ACAN: variants seen among roughly 807,000 people sequenced by gnomAD.
ACAN encodes the protein aggrecan.
In ACAN, 47 loss-of-function variants were observed where a neutral mutation model predicts 169.1. The ratio of observed to expected loss-of-function variants is 0.28; its 90% CI spans 0.22 to 0.35. ACAN has a LOEUF of 0.35. ACAN is among the 10% of genes least tolerant of loss of function. ACAN has a pLI of 1.00. For missense variants in ACAN, 2,716 were observed against 2,759.9 expected (o/e 0.98, Z 0.36); for synonymous variants, 1,115 against 1,112.2 (o/e 1.00, Z -0.05).
rs187179233 is a variant in ACAN, at chr15:88,838,560, C to T, written c.71-103C>T. ...AGAGACAGACACACTCATCGGATTT[C>T]GCTCTCTCAGGAGAGTGCATTGCTG... On this transcript the variant is annotated intron_variant, in intron 2 of 18. Transcript: ENST00000560601. The surrounding 1 kb of genome is among the most constrained non-coding windows in gnomAD (Gnocchi z 5.1). 2,542 of 1,333,894 alleles carry T rather than the reference C, an allele frequency of 1.9e-3. 97 individuals are homozygous for T. The Admixed American group carries it at 0.054, about 28-fold the overall frequency. The allele number at this position is 1,333,894 out of a possible 1,614,324, so 82.6% of individuals were successfully genotyped here. A position where few individuals can be genotyped will look rare whatever the true frequency, so the allele number is the denominator to read the frequency against.
At chr15:88,848,130 AC>A in intron 9 of ACAN, 92 bp downstream of exon 9, 3 of 1,509,376 alleles carry the variant, frequency 2.0e-6, no homozygotes, top group Non-Finnish European at 1.8e-6. Flanking sequence ...GGGGGTTACC[AC>A]CCACCCACCC....
At position 88,843,221 on chromosome 15, in the gene ACAN, C is replaced by A. The variant is rs1896708464; in HGVS notation, c.758-134C>A. 5.6e-6 allele frequency: 4 copies of A among 713,670 alleles called. No homozygotes were observed. Among genetic ancestry groups the A allele is most frequent in the African/African-American group, 1.8e-5 (1 of 55,498 alleles). The allele number at this position is 713,670 out of a possible 1,614,324, so 44.2% of individuals were successfully genotyped here. On this transcript the variant is annotated intron_variant, in intron 5 of 18. Coordinates refer to ENST00000560601, the MANE Select transcript of ACAN (RefSeq NM_001369268.1). This position sits in a 1 kb window ranked among gnomAD's most constrained non-coding sequence, Gnocchi z 4.0. ...GCAATGAAGGGCAAGATCTGAGATG[C>A]AGACATATGGGACCAGGACTTTGGG...
chr15:88,813,522 A>G (rs542827150), intron 1 of ACAN, among the ~76,000 whole-genome samples: 5 of 152,288 alleles, frequency 3.3e-5, no homozygotes, highest in Admixed American at 1.3e-4. Flanking sequence ...GCCAACCCCA[A>G]ATCTCCCCAG....
intron 1 of ACAN, among the ~76,000 whole-genome samples, chr15:88,828,421 CT>C (rs893817585): frequency 2.6e-4 from 39 of 151,044 alleles, no homozygotes; most frequent in Admixed American, 4.6e-4. Flanking sequence ...CTACCCGAGC[CT>C]TTTTTTTTGC....
In ACAN at chr15:88,833,024, G is replaced by A. The variant is rs954272079; in HGVS notation, c.-7-3176G>A. 3.9e-5 allele frequency among the ~76,000 whole-genome samples: 6 copies of A among 152,188 alleles called. No individual in the cohort carries two copies. In the East Asian group the frequency reaches 9.6e-4, roughly 24 times the overall value. On this transcript the variant is annotated intron_variant, in intron 1 of 18. Transcript: ENST00000560601. ...TATTAAGCAGTAGGCGTCCACCCACGTCGAGGAGGGGTCTCCACTGCACAT... is the reference window on the plus strand; with the variant it reads ...TATTAAGCAGTAGGCGTCCACCCACATCGAGGAGGGGTCTCCACTGCACAT...
In ACAN at chr15:88,842,493, C is replaced by T. The variant is rs58239729; in HGVS notation, c.757+626C>T. ...ACTTTCCAGACTCTGCAATGTCTAT[C>T]TCCTCCCTCCCTGCCCATCCCCCCT... On this transcript the variant is annotated intron_variant, in intron 5 of 18. Transcript: ENST00000560601. Among the ~76,000 whole-genome samples, 261 of 140,282 alleles carry T rather than the reference C, an allele frequency of 1.9e-3. 1 individual carries two copies. Among genetic ancestry groups the T allele is most frequent in the African/African-American group, 6.6e-3 (248 of 37,486 alleles). The allele number at this position is 140,282 out of a possible 152,430, so 92.0% of individuals were successfully genotyped here. A position where few individuals can be genotyped will look rare whatever the true frequency, so the allele number is the denominator to read the frequency against.
Position 88,855,179 on chromosome 15 carries a change from A to ATGT in ACAN, c.2595_2597dup (p.Val866dup), listed in dbSNP as rs769765598. ...TCTGGGGAGGAATCTGGGGCCCCTG[A>ATGT]TGTCAGTGGTGACTTCACAGGCAGT... On this transcript the variant is annotated inframe_insertion, in exon 12 of 19. Transcript: ENST00000560601. The ATGT allele has an allele frequency of 6.2e-6, 10 of 1,607,814 alleles. No homozygotes were observed. The African/African-American group carries it at 1.1e-4, about 17-fold the overall frequency.
At chr15:88,841,109 C>T (rs1596132970) in intron 4 of ACAN, among the ~76,000 whole-genome samples, 1 of 152,354 alleles carries the variant, frequency 6.6e-6, no homozygotes, top group South Asian at 2.1e-4. Context: ...CGCGCCACTG[C>T]ACTCCAGCCT....
At position 88,851,884 on chromosome 15, in the gene ACAN, T is replaced by C; in HGVS notation, c.2117T>C (p.Val706Ala). ...GAGGAGTGGATCGTGACCCAAGTGG[T>C]TCCTGGTGTGGCTGCTGTCCCCGTA... is the stretch of plus-strand genomic sequence containing the variant. ...GVEEWIVTQV[V>A]PGVAAVPVEE... The change falls in exon 11 of 19, where the codon GTT becomes GCT. Residue 706 changes from valine (V) to alanine (A), a missense_variant. By Grantham distance (64) the Val-to-Ala change is moderately conservative. This residue lies in a region of ACAN where 1,283 missense variants were observed against 1,281.5 expected (regional missense o/e 1.00). Coordinates refer to ENST00000560601, the MANE Select transcript of ACAN (RefSeq NM_001369268.1). This position sits in a 1 kb window ranked among gnomAD's most constrained non-coding sequence, Gnocchi z 4.3. 1 of 1,612,594 alleles carries C rather than the reference T, an allele frequency of 6.2e-7. No homozygotes were observed. The highest frequency in any genetic ancestry group is 8.5e-7 in the Non-Finnish European group (1 of 1,179,388).
At position 88,815,613 on chromosome 15, in the gene ACAN, AC is replaced by A. The variant is rs796893385; in HGVS notation, c.-8+11806del. ...AGAGAAAGGTCTTAAAAAAAAAAAA[AC>A]CATCAAGAACAATTTCAAGACATGA... On this transcript the variant is annotated intron_variant, in intron 1 of 18. Transcript: ENST00000560601. Among the ~76,000 whole-genome samples the A allele has an allele frequency of 4.8e-3, 692 of 142,906 alleles. 6 individuals are homozygous for A. The highest frequency in any genetic ancestry group is 0.01 in the African/African-American group (391 of 37,364). The allele number at this position is 142,906 out of a possible 152,430, so 93.8% of individuals were successfully genotyped here.
intron 1 of ACAN, among the ~76,000 whole-genome samples, chr15:88,828,934 A>C (rs973618410): frequency 8.5e-5 from 13 of 152,204 alleles, no homozygotes; most frequent in African/African-American, 2.7e-4. Flanking sequence ...AGCAACTCCA[A>C]GGAAAAACCT....
intron 6 of ACAN, among the ~76,000 whole-genome samples, chr15:88,844,676 A>G (rs905569589): frequency 2.6e-5 from 4 of 152,186 alleles, no homozygotes; most frequent in African/African-American, 9.7e-5. Context: ...CCCGGCCACA[A>G]AATGTTATTG....
Position 88,854,994 on chromosome 15 carries a change from G to A in ACAN, c.2409G>A (p.Glu803=). Residue 803 remains glutamate, a synonymous_variant, in exon 12 of 19, where the codon GAG becomes GAA. Coordinates refer to ENST00000560601, the MANE Select transcript of ACAN (RefSeq NM_001369268.1). ...CCTCAGAGGAGCCATCCCCCTCAGAGGAACCATTCCCCTCAGTGAGGCCAT... is the reference window on the plus strand; with the variant it reads ...CCTCAGAGGAGCCATCCCCCTCAGAAGAACCATTCCCCTCAGTGAGGCCAT... ...PFPSEEPSPS[E]EPFPSVRPFP... is the part of the protein sequence containing the mutation. 3 of 1,596,488 alleles carry A rather than the reference G, an allele frequency of 1.9e-6. No homozygotes were observed. The highest frequency in any genetic ancestry group is 2.6e-6 in the Non-Finnish European group (3 of 1,172,392).
chr15:88,833,934 C>A (rs1896434389), intron 1 of ACAN, among the ~76,000 whole-genome samples: 1 of 152,154 alleles, frequency 6.6e-6, no homozygotes, highest in Non-Finnish European at 1.5e-5. Context: ...AACAGGCGGG[C>A]CTTGTGTCTG....
In ACAN at chr15:88,840,940, C is replaced by G. The variant is rs189034353; in HGVS notation, c.629+754C>G. Among the ~76,000 whole-genome samples the G allele has an allele frequency of 1.1e-3, 174 of 152,204 alleles. 1 individual carries two copies. The highest frequency in any genetic ancestry group is 3.4e-3 in the Middle Eastern group (1 of 294). On this transcript the variant is annotated intron_variant, in intron 4 of 18. Transcript: ENST00000560601. The stretch of plus-strand genomic sequence containing the variant: ...CGGGCAGATCACGAAGTCAGGAGAT[C>G]GAGACCATCCTAGCTAACATGGTGA...
intron 4 of ACAN, among the ~76,000 whole-genome samples, chr15:88,841,304 T>C (rs1008904631): frequency 1.3e-5 from 2 of 152,188 alleles, no homozygotes; most frequent in Non-Finnish European, 2.9e-5. Context: ...TCAAATGATA[T>C]AGAGTGAGGC....
At chr15:88,828,839 G>A (rs1023676444) in intron 1 of ACAN, among the ~76,000 whole-genome samples, 5 of 152,206 alleles carry the variant, frequency 3.3e-5, no homozygotes, top group Non-Finnish European at 5.9e-5. Flanking sequence ...AGCCATTTTA[G>A]TCAGGGCCAA....
At position 88,861,976 on chromosome 15, in the gene ACAN, A is replaced by C. The variant is rs1897203299; in HGVS notation, c.6946+1537A>C. 6.6e-6 allele frequency among the ~76,000 whole-genome samples: 1 copy of C among 152,206 alleles called. No homozygotes were observed. Among genetic ancestry groups the C allele is most frequent in the South Asian group, 2.1e-4 (1 of 4,824 alleles). On this transcript the variant is annotated intron_variant, in intron 13 of 18. Transcript: ENST00000560601. The surrounding 1 kb of genome is among the most constrained non-coding windows in gnomAD (Gnocchi z 6.3). ...TGTAAGCAGCTTGGTAACTACCCCCATTTGAGACTGGAACTCAGAGGAGTT... is the reference window on the plus strand; with the variant it reads ...TGTAAGCAGCTTGGTAACTACCCCCCTTTGAGACTGGAACTCAGAGGAGTT...
intron 12 of ACAN, among the ~76,000 whole-genome samples, chr15:88,859,775 G>C (rs887469912): frequency 6.6e-6 from 1 of 152,262 alleles, no homozygotes; most frequent in East Asian, 1.9e-4. Context: ...GGCACAGGGA[G>C]AGAAGGATGA....
Sources: allele counts gnomAD v4.1 joint callset (sites outside exome capture counted in the v4.1 genomes callset), GRCh38; gene constraint gnomAD v4.1.1; regional missense constraint gnomAD v4.1.1; non-coding constraint Gnocchi (gnomAD v3.1); transcripts MANE v1.5; gene names NCBI Gene and HGNC (gene_info 2026-07-23, HGNC 2026-07-21).